LYST: variants seen among roughly 807,000 people sequenced by gnomAD.
The protein encoded by LYST is lysosomal-trafficking regulator.
In LYST, 192 loss-of-function variants were observed where a neutral mutation model predicts 413.6. The observed-to-expected ratio is 0.46, with a 90% CI of 0.41 to 0.52. The LOEUF (loss-of-function observed/expected upper bound fraction) is 0.52, where lower values mean the gene tolerates loss of function less well. Among genes scored for constraint, LYST ranks in the 20% least tolerant of loss-of-function variants. The pLI, the probability that LYST is intolerant of heterozygous loss-of-function variation, is 0.00. For missense variants in LYST, 3,815 were observed against 4,499.9 expected (o/e 0.85, Z 4.35); for synonymous variants, 1,525 against 1,567.3 (o/e 0.97, Z 0.64).
At chr1:235,762,483 A>G (rs1454706685) in intron 22 of LYST, among the ~76,000 whole-genome samples, 1 of 152,214 alleles carries the variant, frequency 6.6e-6, no homozygotes, top group Non-Finnish European at 1.5e-5. Flanking sequence ...ATGGTAAAAT[A>G]AATCAGAAGC....
chr1:235,800,280 A>G (rs1479301884), intron 10 of LYST, 40 bp downstream of exon 10: 1 of 1,293,858 alleles, frequency 7.7e-7, no homozygotes, highest in Non-Finnish European at 1.1e-6. Flanking sequence ...TTTCACATAA[A>G]ATAATTTCAG....
At chr1:235,744,323 A>G (rs1316021420) in intron 29 of LYST, among the ~76,000 whole-genome samples, 166 bp from the exon 30 acceptor site, 3 of 152,218 alleles carry the variant, frequency 2.0e-5, no homozygotes, top group Non-Finnish European at 4.4e-5. Context: ...TGTAGTAGAA[A>G]GTGAATTTAC....
chr1:235,861,573 A>T (rs1679872627), intron 1 of LYST, among the ~76,000 whole-genome samples: 1 of 152,352 alleles, frequency 6.6e-6, no homozygotes, highest in Non-Finnish European at 1.5e-5. Flanking sequence ...TTAGGTTGAA[A>T]ATCCATTTTA....
chr1:235,874,363 C>G (rs1349226563), intron 1 of LYST, among the ~76,000 whole-genome samples: 1 of 152,146 alleles, frequency 6.6e-6, no homozygotes, highest in Admixed American at 6.5e-5. Flanking sequence ...GGACTCCAGA[C>G]AAGTAAACAA....
intron 44 of LYST, 89 bp downstream of exon 44, chr1:235,708,998 TTGAG>T: frequency 9.1e-7 from 1 of 1,096,106 alleles, no homozygotes. Context: ...CTTTGATAAC[TTGAG>T]TGTTTTAAAG....
At position 235,800,381 on chromosome 1, in the gene LYST, A is replaced by C. The variant is rs1672078504; in HGVS notation, c.3945T>G (p.Thr1315=). Residue 1315 remains threonine, a synonymous_variant, in exon 10 of 53, where the codon ACT becomes ACG. Coordinates refer to ENST00000389793, the MANE Select transcript of LYST (RefSeq NM_000081.4). ...KNVFLLMQQG[T]VKNLLGGFLS... ...AGAACCCTCCTAAAAGATTTTTCAC[A>C]GTTCCCTGAAGATTAAAAAAAATAC... 6.4e-7 allele frequency: 1 copy of C among 1,550,394 alleles called. No individual in the cohort carries two copies. Among genetic ancestry groups the C allele is most frequent in the Non-Finnish European group, 8.9e-7 (1 of 1,122,208 alleles).
In LYST at chr1:235,792,048, A is replaced by C. The variant is rs1301279740; in HGVS notation, c.4194T>G (p.Pro1398=). The part of the protein sequence containing the change: ...TMSPSQYLTF[P]LLHAPNLSNG... ...TGCTTAAATTTGGAGCGTGCAGTAA[A>C]GGGAAGGTTAGATACTGTGAAGGGC... The change falls in exon 12 of 53, where the codon CCT becomes CCG. Residue 1398 remains proline (P), a synonymous_variant. Coordinates refer to ENST00000389793, the MANE Select transcript of LYST (RefSeq NM_000081.4). 6.2e-7 allele frequency: 1 copy of C among 1,614,002 alleles called. No homozygotes were observed. The highest frequency in any genetic ancestry group is 8.5e-7 in the Non-Finnish European group (1 of 1,179,854).
At chr1:235,780,104 T>C (rs1669694041) in intron 16 of LYST, among the ~76,000 whole-genome samples, 1 of 152,172 alleles carries the variant, frequency 6.6e-6, no homozygotes, top group African/African-American at 2.4e-5. Context: ...ATTTTACTGA[T>C]ATTAAATAAT....
chr1:235,780,302 G>C (rs1382828946), intron 16 of LYST, among the ~76,000 whole-genome samples: 1 of 151,904 alleles, frequency 6.6e-6, no homozygotes, highest in Non-Finnish European at 1.5e-5. Context: ...CACTTGGGAG[G>C]CTGAGGTGGG....
At chr1:235,864,806 G>C (rs1257713186) in intron 1 of LYST, among the ~76,000 whole-genome samples, 1 of 152,158 alleles carries the variant, frequency 6.6e-6, no homozygotes, top group Non-Finnish European at 1.5e-5. Context: ...ATGTGTGCCT[G>C]AAGTCCCAAT....
chr1:235,762,683 A>C, intron 22 of LYST, 37 bp downstream of exon 22: 1 of 1,597,600 alleles, frequency 6.3e-7, no homozygotes, highest in South Asian at 1.1e-5. Context: ...TCAGAACTAA[A>C]ATGAGAAGGT....
intron 37 of LYST, among the ~76,000 whole-genome samples, chr1:235,728,914 C>T (rs1435702450): frequency 6.6e-6 from 1 of 152,150 alleles, no homozygotes; most frequent in Admixed American, 6.5e-5. Flanking sequence ...CTCATCAGAA[C>T]ATAGACTGCT....
At chr1:235,760,935 AT>A (rs1292193621) in intron 22 of LYST, among the ~76,000 whole-genome samples, 1 of 152,158 alleles carries the variant, frequency 6.6e-6, no homozygotes, top group Non-Finnish European at 1.5e-5. Context: ...AAAAACAAAT[AT>A]GTCCTGTAAA....
At chr1:235,738,685 A>C in intron 31 of LYST, 2 of 1,607,158 alleles carry the variant, frequency 1.2e-6, no homozygotes, top group Non-Finnish European at 1.7e-6. Context: ...CAGTGGAAAG[A>C]GGTTCACAAG....
chr1:235,815,983 A>G (rs988885189), intron 3 of LYST, among the ~76,000 whole-genome samples: 1 of 151,544 alleles, frequency 6.6e-6, no homozygotes, highest in African/African-American at 2.4e-5. Flanking sequence ...TACAAAAATT[A>G]GCTGGGCGTG....
At chr1:235,864,535 G>A (rs1455096317) in intron 1 of LYST, among the ~76,000 whole-genome samples, 1 of 152,122 alleles carries the variant, frequency 6.6e-6, no homozygotes, top group African/African-American at 2.4e-5. Flanking sequence ...GCCTGGATTA[G>A]GGCAACAGTT....
In LYST at chr1:235,853,375, A is replaced by G. The variant is rs75600433; in HGVS notation, c.-98+13468T>C. 2.2e-3 allele frequency among the ~76,000 whole-genome samples: 334 copies of G among 152,302 alleles called. 1 individual carries two copies. Among genetic ancestry groups the G allele is most frequent in the African/African-American group, 7.6e-3 (316 of 41,566 alleles). On this transcript the variant is annotated intron_variant, in intron 1 of 52. Transcript: ENST00000389793. ...AATAATCCTTAACTAGTGAATATGG[A>G]AATAAATGGTTGTGCTGTTCCTATA...
At chr1:235,762,991 A>G in intron 21 of LYST, 140 bp from the exon 22 acceptor site, 1 of 668,840 alleles carries the variant, frequency 1.5e-6, no homozygotes, top group Non-Finnish European at 2.7e-6. Context: ...CTTTATATTA[A>G]GGCACACGAT....
intron 27 of LYST, among the ~76,000 whole-genome samples, chr1:235,751,618 G>A (rs1011207596): frequency 8.5e-5 from 13 of 152,096 alleles, no homozygotes; most frequent in Non-Finnish European, 4.4e-5. Context: ...TTGTTTCAAA[G>A]AACAGGCTTT....
Sources: gnomAD v4.1 joint callset for allele counts (sites outside exome capture counted in the v4.1 genomes callset) on GRCh38, gnomAD v4.1.1 for gene constraint, MANE v1.5 for transcripts, NCBI Gene and HGNC (gene_info 2026-07-23, HGNC 2026-07-21) for gene names.